The following ZFYVE16 variants were observed in gnomAD, a reference collection of about 807,000 sequenced individuals.
ZFYVE16 encodes zinc finger FYVE domain-containing protein 16.
Under a neutral mutation model 138.1 loss-of-function variants are expected in ZFYVE16, and 89 were observed. The ratio of observed to expected loss-of-function variants is 0.64; its 90% CI spans 0.54 to 0.77. The LOEUF (loss-of-function observed/expected upper bound fraction) is 0.77, where lower values mean the gene tolerates loss of function less well. Among genes scored for constraint, ZFYVE16 ranks in the 30% least tolerant of loss-of-function variants. The pLI is 0.00. For synonymous variants in ZFYVE16, 596 were observed against 618.3 expected, an observed-to-expected ratio of 0.96 and a Z score of 0.53; for missense variants, 1,793 against 1,786.7, an observed-to-expected ratio of 1.00 and a Z score of -0.06.
At chr5:80,416,094 G>A (rs1010642667) in intron 1 of ZFYVE16, among the ~76,000 whole-genome samples, 2 of 151,914 alleles carry the variant, frequency 1.3e-5, no homozygotes, top group Admixed American at 6.6e-5. Context: ...GTCACTGTGC[G>A]CTGCACACTT....
chr5:80,453,436 G>A (rs1752188022), intron 11 of ZFYVE16, among the ~76,000 whole-genome samples: 1 of 152,156 alleles, frequency 6.6e-6, no homozygotes, highest in African/African-American at 2.4e-5. Flanking sequence ...AGTATGGCCA[G>A]TATTTTGGCC....
chr5:80,431,378 A>T (rs1053708961), intron 2 of ZFYVE16, among the ~76,000 whole-genome samples: 1 of 152,238 alleles, frequency 6.6e-6, no homozygotes, highest in Non-Finnish European at 1.5e-5. Flanking sequence ...GCCTTTGACA[A>T]AATTCAATGG....
intron 1 of ZFYVE16, among the ~76,000 whole-genome samples, chr5:80,413,867 G>A (rs1174934754): frequency 6.6e-6 from 1 of 152,108 alleles, no homozygotes. Flanking sequence ...GCGATTTGAA[G>A]TATAGTTTAC....
intron 14 of ZFYVE16, 33 bp from the exon 15 acceptor site, chr5:80,459,381 T>A (rs768285343): frequency 6.3e-7 from 1 of 1,597,614 alleles, no homozygotes; most frequent in Non-Finnish European, 8.6e-7. Flanking sequence ...AATGAGCAGT[T>A]TAAAACAAAT....
intron 12 of ZFYVE16, 187 bp downstream of exon 12, chr5:80,455,961 G>T: frequency 1.8e-6 from 1 of 540,556 alleles, no homozygotes; most frequent in Non-Finnish European, 3.2e-6. Context: ...TTTTTAGAAC[G>T]TACTATCTCC....
intron 1 of ZFYVE16, among the ~76,000 whole-genome samples, chr5:80,410,726 A>G (rs1180253063): frequency 5.3e-5 from 8 of 151,588 alleles, no homozygotes; most frequent in African/African-American, 1.9e-4. Context: ...ACGCGCCCCC[A>G]TGCCCAGCTA....
intron 15 of ZFYVE16, 144 bp downstream of exon 15, chr5:80,459,638 G>T: frequency 1.6e-6 from 1 of 632,230 alleles, no homozygotes; most frequent in Non-Finnish European, 2.6e-6. Context: ...ACCAGCACAA[G>T]AAGTAGAAGA....
intron 14 of ZFYVE16, 104 bp downstream of exon 14, chr5:80,457,196 G>C (rs756901480): frequency 7.0e-7 from 1 of 1,437,500 alleles, no homozygotes; most frequent in South Asian, 1.4e-5. Context: ...CTGAATTGTT[G>C]GTGATAAAAC....
intron 3 of ZFYVE16, among the ~76,000 whole-genome samples, chr5:80,434,852 A>G (rs2112343039): frequency 6.6e-6 from 1 of 151,894 alleles, no homozygotes; most frequent in Middle Eastern, 3.4e-3. Context: ...AAGAGATGGT[A>G]TTTTATTTTA....
chr5:80,454,100 G>T (rs928780354), intron 11 of ZFYVE16: 3 of 151,822 alleles, frequency 2.0e-5, no homozygotes, highest in Admixed American at 2.0e-4. Flanking sequence ...TTCAAATCTA[G>T]ACCCTCTGTC....
upstream of ZFYVE16, among the ~76,000 whole-genome samples, chr5:80,407,650 C>G (rs1294055080): frequency 3.9e-5 from 6 of 152,358 alleles, no homozygotes; most frequent in East Asian, 1.2e-3. Flanking sequence ...GCAGGCCTAG[C>G]CCGCTGCCGG....
At chr5:80,450,672 C>G in intron 10 of ZFYVE16, 86 bp downstream of exon 10, 1 of 1,309,324 alleles carries the variant, frequency 7.6e-7, no homozygotes, top group Non-Finnish European at 1.0e-6. Flanking sequence ...GCTAGCTATA[C>G]TAAAGATTTA....
intron 5 of ZFYVE16, chr5:80,440,765 T>G (rs1750620568): frequency 2.0e-6 from 2 of 984,814 alleles, no homozygotes; most frequent in Non-Finnish European, 2.4e-6. Context: ...TTTCAAAGAT[T>G]CGTTGACAGT....
chr5:80,459,580 A>T (rs1012687250), intron 15 of ZFYVE16, 86 bp downstream of exon 15: 1 of 1,194,824 alleles, frequency 8.4e-7, no homozygotes, highest in Admixed American at 2.2e-5. Flanking sequence ...ACACAAGAAC[A>T]TATGTAAGTT....
intron 15 of ZFYVE16, among the ~76,000 whole-genome samples, chr5:80,462,780 C>T (rs951959114): frequency 2.6e-5 from 4 of 152,204 alleles, no homozygotes; most frequent in Non-Finnish European, 4.4e-5. Context: ...TTCCTAGATA[C>T]ATTTGGGGTA....
At chr5:80,452,691 A>G (rs1752116735) in intron 11 of ZFYVE16, among the ~76,000 whole-genome samples, 1 of 152,188 alleles carries the variant, frequency 6.6e-6, no homozygotes, top group South Asian at 2.1e-4. Context: ...ACTCACTATA[A>G]TTAAAAGCTA....
Position 80,438,142 on chromosome 5 carries a change from G to A in ZFYVE16, c.1457G>A (p.Gly486Asp), listed in dbSNP as rs1470900518. 1.9e-6 allele frequency: 3 copies of A among 1,613,898 alleles called. No individual in the cohort carries two copies. Among genetic ancestry groups the A allele is most frequent in the Non-Finnish European group, 2.5e-6 (3 of 1,179,926 alleles). The change falls in exon 4 of 19, where the codon GGC (glycine) becomes GAC (aspartate). Residue 486 changes from glycine (G) to aspartate (D), a missense_variant. Transcript: ENST00000505560. ...GTAGAATCTCAAGAGGGGCTTTCTG[G>A]CACTCATGTCCCAGAGTCTTCTGAT... ...TVVESQEGLSGTHVPESSDCC... is the reference protein window; with the variant it reads ...TVVESQEGLSDTHVPESSDCC...
chr5:80,421,868 T>C (rs1392240967), intron 1 of ZFYVE16, among the ~76,000 whole-genome samples: 1 of 152,218 alleles, frequency 6.6e-6, no homozygotes, highest in East Asian at 1.9e-4. Flanking sequence ...TGGCATTGAA[T>C]CTATAAATTA....
chr5:80,448,751 A>C (rs1751666503), intron 8 of ZFYVE16, among the ~76,000 whole-genome samples: 1 of 152,078 alleles, frequency 6.6e-6, no homozygotes. Context: ...AGAGCATTAG[A>C]TTGGATGGCA....
Sources: gnomAD v4.1 joint callset for allele counts (sites outside exome capture counted in the v4.1 genomes callset) on GRCh38, gnomAD v4.1.1 for gene constraint, MANE v1.5 for transcripts, NCBI Gene and HGNC (gene_info 2026-07-23, HGNC 2026-07-21) for gene names.